The following AKAP3 variants were observed in gnomAD, a reference collection of about 807,000 sequenced individuals.
AKAP3 encodes the protein A-kinase anchoring protein 3.
Under a neutral mutation model 57.2 loss-of-function variants are expected in AKAP3, and 27 were observed. The ratio of observed to expected loss-of-function variants is 0.47; its 90% CI spans 0.35 to 0.65. The LOEUF (loss-of-function observed/expected upper bound fraction) is 0.65, where lower values mean the gene tolerates loss of function less well. AKAP3 is among the 30% of genes least tolerant of loss of function. The pLI is 0.01. For missense variants in AKAP3, 959 were observed against 1,040.0 expected, an observed-to-expected ratio of 0.92 and a Z score of 1.07; for synonymous variants, 334 against 392.3, an observed-to-expected ratio of 0.85 and a Z score of 1.76.
At chr12:4,648,334 T>C (rs1202199241) in intron 1 of AKAP3, 1 of 152,236 alleles carries the variant, frequency 6.6e-6, no homozygotes, top group African/African-American at 2.4e-5. Flanking sequence ...AGTTCACAGA[T>C]TTCCCGAAGC....
intron 3 of AKAP3, 127 bp from the exon 4 acceptor site, chr12:4,638,323 A>T: frequency 1.5e-6 from 1 of 680,620 alleles, no homozygotes; most frequent in Admixed American, 2.5e-5. Flanking sequence ...GACCTTCCCC[A>T]ACAGCCACTT....
At chr12:4,633,971 T>C (rs1945533035) in intron 4 of AKAP3, among the ~76,000 whole-genome samples, 1 of 27,910 alleles carries the variant, frequency 3.6e-5, no homozygotes, top group Non-Finnish European at 5.9e-5. Flanking sequence ...ATCTATATTC[T>C]TTTTTTTTTT....
At chr12:4,632,246 T>G (rs1224209318) in intron 4 of AKAP3, among the ~76,000 whole-genome samples, 1 of 152,210 alleles carries the variant, frequency 6.6e-6, no homozygotes, top group Non-Finnish European at 1.5e-5. Context: ...TTTAAATCTG[T>G]TAATGAGTCT....
chr12:4,648,103 G>T (rs1214710422), intron 1 of AKAP3: 1 of 152,212 alleles, frequency 6.6e-6, no homozygotes, highest in African/African-American at 2.4e-5. Flanking sequence ...ATCTGGAGAG[G>T]TTGACCAGAA....
rs1456965830 is a variant in AKAP3, at chr12:4,626,535, A to G, written c.2367T>C (p.Ile789=). ...WVAASELNVP[I]LYFAGDDEGI... ...CTTCATCATCACCAGCAAAATACAA[A>G]ATAGGGACATTGAGCTCAGAGGCAG... The change falls in exon 5 of 6, where the codon ATT becomes ATC. Residue 789 remains isoleucine, a synonymous_variant. Coordinates refer to ENST00000228850, the MANE Select transcript of AKAP3 (RefSeq NM_001278309.2). 6.2e-7 allele frequency: 1 copy of G among 1,614,056 alleles called. No individual in the cohort carries two copies. The highest frequency in any genetic ancestry group is 8.5e-7 in the Non-Finnish European group (1 of 1,179,990).
intron 1 of AKAP3, chr12:4,648,304 A>C (rs1321050105): frequency 2.0e-5 from 3 of 152,202 alleles, no homozygotes; most frequent in Non-Finnish European, 4.4e-5. Context: ...TGGCCACTAA[A>C]TTTGCATAAT....
Position 4,627,934 on chromosome 12 carries a change from A to T in AKAP3, c.968T>A (p.Leu323His). ...CGAGACCACCTCTTTTGCATGCTTG[A>T]GCAGAACCTTCTTCAGTAGGATGGT... ...IATILLKKVLLKHAKEVVSDL... is the reference protein window; with the variant it reads ...IATILLKKVLHKHAKEVVSDL... Residue 323 changes from leucine (L) to histidine (H), a missense_variant, in exon 5 of 6, where the codon CTC becomes CAC. Leu to His is a moderately conservative substitution (Grantham distance 99, BLOSUM62 -3). Coordinates refer to ENST00000228850, the MANE Select transcript of AKAP3 (RefSeq NM_001278309.2). 6.2e-7 allele frequency: 1 copy of T among 1,614,080 alleles called. No homozygotes were observed. The highest frequency in any genetic ancestry group is 1.7e-5 in the Admixed American group (1 of 60,012).
intron 1 of AKAP3, among the ~76,000 whole-genome samples, chr12:4,646,764 A>G (rs1174741073): frequency 2.0e-5 from 3 of 151,804 alleles, no homozygotes; most frequent in East Asian, 3.9e-4. Context: ...GTCAAATTAT[A>G]TTTGTCAAAA....
chr12:4,615,819 CAT>C lies in AKAP3; in HGVS notation c.2480_2481del (p.Tyr827Ter), dbSNP rs1306025042. On this transcript the variant is annotated frameshift_variant, in exon 6 of 6. Transcript: ENST00000228850. LOFTEE classifies it high-confidence loss of function. ...GCCTCATTCAGCTGGCGCTCCTTCT[CAT>C]AGCGCAGCACCGACTGCAGAACCTC... is the stretch of plus-strand genomic sequence containing the variant. ...VGEVLQSVLR[Y>X]EKERQLNEAV... 1 of 1,614,132 alleles carries C rather than the reference CAT, an allele frequency of 6.2e-7. No homozygotes were observed. Among genetic ancestry groups the C allele is most frequent in the Non-Finnish European group, 8.5e-7 (1 of 1,180,042 alleles).
intron 4 of AKAP3, chr12:4,636,105 G>T: frequency 9.2e-7 from 1 of 1,089,616 alleles, no homozygotes; most frequent in Non-Finnish European, 1.4e-6. Flanking sequence ...TATTGAACTG[G>T]CATATTTTAT....
At chr12:4,631,402 T>C in intron 4 of AKAP3, 1 of 691,806 alleles carries the variant, frequency 1.4e-6, no homozygotes, top group Non-Finnish European at 2.6e-6. Context: ...ATGTTTATGG[T>C]TTATTTTTGC....
intron 5 of AKAP3, among the ~76,000 whole-genome samples, chr12:4,624,959 G>A (rs774269906): frequency 6.6e-6 from 1 of 151,792 alleles, no homozygotes; most frequent in Non-Finnish European, 1.5e-5. Flanking sequence ...ATATATGAGG[G>A]GTTTGATTTC....
intron 2 of AKAP3, among the ~76,000 whole-genome samples, chr12:4,643,921 G>C (rs1392959728): frequency 6.6e-6 from 1 of 152,224 alleles, no homozygotes; most frequent in Non-Finnish European, 1.5e-5. Context: ...TTGCAGGGTT[G>C]CTAAGTACTT....
chr12:4,620,787 A>G (rs77699904), intron 5 of AKAP3, among the ~76,000 whole-genome samples: 12,599 of 152,248 alleles, frequency 0.083, 905 homozygotes, highest in East Asian at 0.28. Flanking sequence ...ATAAAAGTCT[A>G]GCACACACTA....
chr12:4,621,617 C>T (rs1472596067), intron 5 of AKAP3, among the ~76,000 whole-genome samples: 1 of 152,068 alleles, frequency 6.6e-6, no homozygotes, highest in Non-Finnish European at 1.5e-5. Context: ...ATAGGCTATA[C>T]AATATAAGCT....
chr12:4,644,529 A>T (rs971801655), intron 2 of AKAP3, among the ~76,000 whole-genome samples: 2 of 152,242 alleles, frequency 1.3e-5, no homozygotes, highest in African/African-American at 4.8e-5. Flanking sequence ...ACCAAATCAC[A>T]ATGTCAGCAG....
At position 4,628,370 on chromosome 12, in the gene AKAP3, G is replaced by A. The variant is rs1277278266; in HGVS notation, c.532C>T (p.Leu178Phe). The change falls in exon 5 of 6, where the codon CTT (leucine) becomes TTT (phenylalanine). Residue 178 changes from leucine to phenylalanine, a missense_variant. Coordinates refer to ENST00000228850, the MANE Select transcript of AKAP3 (RefSeq NM_001278309.2). Reference sequence around the variant, plus strand: ...CATGCAGAGACGGTCTCATTCACAAGCTCTGATGCTATCTTACTGAGGCTT... The same window carrying A: ...CATGCAGAGACGGTCTCATTCACAAACTCTGATGCTATCTTACTGAGGCTT... ...TKSLSKIASE[L>F]VNETVSACSR... The A allele has an allele frequency of 6.2e-7, 1 of 1,614,212 alleles. No homozygotes were observed. Among genetic ancestry groups the A allele is most frequent in the South Asian group, 1.1e-5 (1 of 91,090 alleles).
chr12:4,645,278 C>G (rs566932982), intron 1 of AKAP3, 86 bp from the exon 2 acceptor site: 69 of 152,334 alleles, frequency 4.5e-4, no homozygotes, highest in African/African-American at 1.5e-3. Flanking sequence ...GAATGGTCAA[C>G]AGGACAAAGA....
intron 4 of AKAP3, among the ~76,000 whole-genome samples, chr12:4,631,691 G>T (rs978767438): frequency 7.2e-5 from 11 of 152,164 alleles, no homozygotes; most frequent in Middle Eastern, 3.4e-3. Flanking sequence ...AATACTCAAA[G>T]GGAATGCTAA....
Sources: gnomAD v4.1 joint callset for allele counts (sites outside exome capture counted in the v4.1 genomes callset) on GRCh38, gnomAD v4.1.1 for gene constraint, MANE v1.5 for transcripts, NCBI Gene and HGNC (gene_info 2026-07-23, HGNC 2026-07-21) for gene names.